PPP1R7: variants seen among roughly 807,000 people sequenced by gnomAD.
PPP1R7 encodes the protein protein phosphatase 1 regulatory subunit 22.
In PPP1R7, 18 loss-of-function variants were observed where a neutral mutation model predicts 45.2. That is an observed-to-expected ratio of 0.40 (90% CI 0.28 to 0.59). PPP1R7 has a LOEUF of 0.59. Ranked by LOEUF, PPP1R7 falls within the 20% of genes least tolerant of loss-of-function variation. The pLI is 0.46. For synonymous variants in PPP1R7, 181 were observed against 183.4 expected (o/e 0.99, Z 0.11); for missense variants, 314 against 455.8 (o/e 0.69, Z 2.83).
upstream of PPP1R7, chr2:241,150,111 G>A (rs1438897106): frequency 2.4e-6 from 3 of 1,259,980 alleles, no homozygotes; most frequent in African/African-American, 1.6e-5. Flanking sequence ...CTGGCCCGCG[G>A]CCCCTCCACG....
At chr2:241,173,149 G>C (rs547251449) in intron 9 of PPP1R7, among the ~76,000 whole-genome samples, 1 of 151,488 alleles carries the variant, frequency 6.6e-6, no homozygotes, top group African/African-American at 2.4e-5. Flanking sequence ...GCACGTGCCT[G>C]TAGTCCCAGC....
intron 9 of PPP1R7, among the ~76,000 whole-genome samples, chr2:241,172,806 A>G (rs112829300): frequency 1.2e-3 from 187 of 152,020 alleles, no homozygotes; most frequent in African/African-American, 4.3e-3. Context: ...CCAATCCTTC[A>G]CTTTGATTTG....
chr2:241,155,128 G>C (rs1463143653), intron 2 of PPP1R7: 2 of 152,214 alleles, frequency 1.3e-5, no homozygotes, highest in Non-Finnish European at 2.9e-5. Flanking sequence ...GGAGCGGTAG[G>C]AGCCCCCGCT....
At chr2:241,170,286 T>C (rs2067790780) in intron 9 of PPP1R7, among the ~76,000 whole-genome samples, 1 of 152,230 alleles carries the variant, frequency 6.6e-6, no homozygotes, top group African/African-American at 2.4e-5. Flanking sequence ...TACAGATATA[T>C]TCCAGCACAA....
At chr2:241,151,125 A>G (rs2067285500) in intron 1 of PPP1R7, among the ~76,000 whole-genome samples, 1 of 152,212 alleles carries the variant, frequency 6.6e-6, no homozygotes, top group African/African-American at 2.4e-5. Context: ...AAAAAAAACC[A>G]CATGCATATA....
intron 9 of PPP1R7, among the ~76,000 whole-genome samples, chr2:241,171,880 C>G (rs1310356160): frequency 6.6e-6 from 1 of 152,180 alleles, no homozygotes; most frequent in East Asian, 1.9e-4. Context: ...GATTAGCGCT[C>G]TCATGGAATC....
At chr2:241,161,399 G>A (rs1314766714) in intron 6 of PPP1R7, among the ~76,000 whole-genome samples, 1 of 144,962 alleles carries the variant, frequency 6.9e-6, no homozygotes, top group Non-Finnish European at 1.5e-5. Flanking sequence ...ATCTTCTCTG[G>A]CATGCTTCTT....
At chr2:241,169,547 G>A (rs1022531843) in intron 8 of PPP1R7, among the ~76,000 whole-genome samples, 2 of 152,100 alleles carry the variant, frequency 1.3e-5, no homozygotes, top group African/African-American at 2.4e-5. Context: ...AAATTCCAGC[G>A]ATCAGGAGAG....
At chr2:241,153,277 C>T (rs374143043) in intron 1 of PPP1R7, among the ~76,000 whole-genome samples, 199 bp from the exon 2 acceptor site, 1 of 152,214 alleles carries the variant, frequency 6.6e-6, no homozygotes, top group African/African-American at 2.4e-5. Flanking sequence ...ATGTGGGCTC[C>T]ACACTCTGCT....
intron 6 of PPP1R7, 149 bp downstream of exon 6, chr2:241,160,643 T>TTC: frequency 1.2e-6 from 1 of 806,164 alleles, no homozygotes; most frequent in Non-Finnish European, 1.8e-6. Context: ...TTACTATTTT[T>TTC]TTAAGAAAAA....
At chr2:241,162,125 A>G (rs537463426) in intron 6 of PPP1R7, among the ~76,000 whole-genome samples, 6 of 152,308 alleles carry the variant, frequency 3.9e-5, no homozygotes, top group Admixed American at 3.9e-4. Flanking sequence ...TTAAAACTAG[A>G]GAGCAGCCCA....
At chr2:241,178,052 C>T (rs963029054) in intron 9 of PPP1R7, among the ~76,000 whole-genome samples, 3 of 152,256 alleles carry the variant, frequency 2.0e-5, no homozygotes, top group Admixed American at 6.5e-5. Context: ...CTGTAGGCAG[C>T]GCCCTGCACA....
At chr2:241,166,815 T>C (rs2067723384) in intron 8 of PPP1R7, among the ~76,000 whole-genome samples, 1 of 152,122 alleles carries the variant, frequency 6.6e-6, no homozygotes, top group Non-Finnish European at 1.5e-5. Context: ...TAAAGGGCCC[T>C]GTATGAGGGT....
intron 7 of PPP1R7, among the ~76,000 whole-genome samples, chr2:241,164,849 A>G (rs2067671189): frequency 6.6e-6 from 1 of 152,176 alleles, no homozygotes; most frequent in African/African-American, 2.4e-5. Context: ...GGAGTTTGAG[A>G]CCAGCCTGGC....
At position 241,153,461 on chromosome 2, in the gene PPP1R7, C is replaced by A. The variant is rs2067368513; in HGVS notation, c.53-15C>A. 1 of 1,613,852 alleles carries A rather than the reference C, an allele frequency of 6.2e-7. No homozygotes were observed. ...TAAAGTGGATGTGAATTCTCATTGACATGTGTGGGTTCAGTTGACAGGCGG... is the reference window on the plus strand; with the variant it reads ...TAAAGTGGATGTGAATTCTCATTGAAATGTGTGGGTTCAGTTGACAGGCGG... On this transcript the variant is annotated splice_polypyrimidine_tract_variant and intron_variant, in intron 1 of 9. Transcript: ENST00000234038.
chr2:241,150,572 CCCAAGGG>C, intron 1 of PPP1R7, 25 bp downstream of exon 1: 1 of 1,579,360 alleles, frequency 6.3e-7, no homozygotes, highest in East Asian at 2.4e-5. Flanking sequence ...CGGGCGGCGG[CCCAAGGG>C]CCCAGCGGGC....
intron 9 of PPP1R7, among the ~76,000 whole-genome samples, chr2:241,180,331 A>G (rs1028689171): frequency 6.6e-6 from 1 of 151,676 alleles, no homozygotes; most frequent in Non-Finnish European, 1.5e-5. Flanking sequence ...GCCACACTGG[A>G]AAAAAGAAGA....
At chr2:241,169,708 C>A in intron 8 of PPP1R7, 73 bp from the exon 9 acceptor site, 2 of 1,288,256 alleles carry the variant, frequency 1.6e-6, no homozygotes, top group Non-Finnish European at 1.1e-6. Flanking sequence ...CAGCACTTGA[C>A]ACTGCCTGCG....
chr2:241,175,065 T>G (rs905855468), intron 9 of PPP1R7, among the ~76,000 whole-genome samples: 4 of 152,196 alleles, frequency 2.6e-5, no homozygotes, highest in Non-Finnish European at 4.4e-5. Flanking sequence ...TCCTACTTAT[T>G]TATCTTACTT....
Sources: gnomAD v4.1 joint callset for allele counts (sites outside exome capture counted in the v4.1 genomes callset) on GRCh38, gnomAD v4.1.1 for gene constraint, MANE v1.5 for transcripts, NCBI Gene and HGNC (gene_info 2026-07-23, HGNC 2026-07-21) for gene names.